Variants in TSC22D3 observed in about 807,000 individuals in gnomAD.
TSC22D3 encodes the protein TSC22 domain family member 3.
TSC22D3 carries 4 observed loss-of-function variants against 11.1 expected under a neutral mutation model. That is an observed-to-expected ratio of 0.36 (90% CI 0.18 to 0.83). The LOEUF is 0.83. Ranked by LOEUF, TSC22D3 falls within the 40% of genes least tolerant of loss-of-function variation. The pLI is 0.48. For synonymous variants in TSC22D3, 77 were observed against 70.3 expected (o/e 1.10, Z -0.48); for missense variants, 118 against 159.4 (o/e 0.74, Z 1.40).
Position 107,746,737 on chromosome X carries a change from T to G in TSC22D3, c.320+28363A>C, listed in dbSNP as rs767814159. On this transcript the variant is annotated intron_variant, in intron 1 of 2. Transcript: ENST00000372383. ...TTCCACCCACTCAAGTCCTGACATA[T>G]GTACGGAGTTACACATACACACATT... Among the ~76,000 whole-genome samples, 349 of 112,506 alleles carry G rather than the reference T, an allele frequency of 3.1e-3. 1 individual carries two copies. Among genetic ancestry groups the G allele is most frequent in the African/African-American group, 0.011 (330 of 30,961 alleles).
intron 1 of TSC22D3, among the ~76,000 whole-genome samples, chrX:107,753,287 G>A (rs752567440): frequency 1.8e-5 from 2 of 111,552 alleles, no homozygotes. Flanking sequence ...AGGTAGCATA[G>A]ATTCCCCATG....
chrX:107,756,510 A>G (rs1929183473), intron 1 of TSC22D3, among the ~76,000 whole-genome samples: 1 of 112,753 alleles, frequency 8.9e-6, no homozygotes, highest in African/African-American at 3.2e-5. Flanking sequence ...GTGCACACAG[A>G]TGGTCCCCAC....
chrX:107,761,994 A>G (rs1929456750), intron 1 of TSC22D3, among the ~76,000 whole-genome samples: 1 of 111,559 alleles, frequency 9.0e-6, no homozygotes, highest in Middle Eastern at 4.6e-3. Context: ...CTTTTCCTTC[A>G]TTACCATCAA....
intron 1 of TSC22D3, among the ~76,000 whole-genome samples, chrX:107,743,697 G>A (rs1421546872): frequency 8.9e-6 from 1 of 112,205 alleles, no homozygotes; most frequent in African/African-American, 3.2e-5. Context: ...TCGATGTCAA[G>A]CCTGAGCTGG....
intron 1 of TSC22D3, among the ~76,000 whole-genome samples, chrX:107,767,642 A>G (rs776621829): frequency 4.1e-4 from 46 of 112,162 alleles, no homozygotes; most frequent in Non-Finnish European, 7.1e-4. Flanking sequence ...GGATTTCAGC[A>G]TGGTAGACAG....
intron 1 of TSC22D3, among the ~76,000 whole-genome samples, chrX:107,736,273 G>A (rs990923322): frequency 9.0e-6 from 1 of 111,657 alleles, no homozygotes; most frequent in African/African-American, 3.3e-5. Context: ...TACAGAGGAG[G>A]GAAGTGACCT....
intron 1 of TSC22D3, among the ~76,000 whole-genome samples, chrX:107,747,265 C>A (rs1436059548): frequency 8.9e-6 from 1 of 112,623 alleles, no homozygotes; most frequent in Admixed American, 9.4e-5. Flanking sequence ...ATCACACACG[C>A]CCTGGGACCA....
At chrX:107,739,390 G>A (rs1928291120) in intron 1 of TSC22D3, among the ~76,000 whole-genome samples, 1 of 112,564 alleles carries the variant, frequency 8.9e-6, no homozygotes, top group Admixed American at 9.3e-5. Flanking sequence ...ACACAGGCGC[G>A]TGCACACACA....
intron 1 of TSC22D3, among the ~76,000 whole-genome samples, chrX:107,769,116 G>A (rs761863393): frequency 8.9e-6 from 1 of 112,558 alleles, no homozygotes; most frequent in South Asian, 3.7e-4. Flanking sequence ...GTGTTGAAAA[G>A]TAGGTGCTGG....
chrX:107,772,973 G>A (rs888577177), intron 1 of TSC22D3, among the ~76,000 whole-genome samples: 2 of 112,855 alleles, frequency 1.8e-5, no homozygotes, highest in East Asian at 5.5e-4. Context: ...AGAGCTTGCT[G>A]GTTAGCTCCT....
intron 1 of TSC22D3, among the ~76,000 whole-genome samples, chrX:107,774,710 A>T (rs1930055583): frequency 8.9e-6 from 1 of 111,928 alleles, no homozygotes; most frequent in Non-Finnish European, 1.9e-5. Flanking sequence ...GATTTTGCAC[A>T]TTTGAGATGG....
At chrX:107,743,962 T>G (rs1011276595) in intron 1 of TSC22D3, among the ~76,000 whole-genome samples, 3 of 111,907 alleles carry the variant, frequency 2.7e-5, no homozygotes, top group African/African-American at 9.8e-5. Context: ...CTGAAATAAG[T>G]GCAAGAGAAG....
At chrX:107,740,560 G>A (rs763074708) in intron 1 of TSC22D3, among the ~76,000 whole-genome samples, 2 of 109,767 alleles carry the variant, frequency 1.8e-5, no homozygotes, top group East Asian at 2.9e-4. Context: ...CCAGCCTGGC[G>A]ACAGAGCAAG....
At chrX:107,771,400 T>C (rs1315252548) in intron 1 of TSC22D3, among the ~76,000 whole-genome samples, 2 of 111,520 alleles carry the variant, frequency 1.8e-5, no homozygotes, top group Non-Finnish European at 3.8e-5. Flanking sequence ...GCCTGACTAA[T>C]ATGGTGAAAC....
chrX:107,713,799 C>A lies in TSC22D3; in HGVS notation c.*720G>T, dbSNP rs1290046818. 8.9e-6 allele frequency: 1 copy of A among 112,652 alleles called. No individual in the cohort carries two copies. The highest frequency in any genetic ancestry group is 1.9e-5 in the Non-Finnish European group (1 of 53,217). The allele number at this position is 112,652 out of a possible 1,213,427, so 9.3% of individuals were successfully genotyped here. ...GTCAATACTCCCAAGGCTGGTTAGG[C>A]CCTTCAACATGTAGGTGGATGTGTA... On this transcript the variant is annotated 3_prime_UTR_variant, in exon 3 of 3. Coordinates refer to ENST00000372383, the MANE Select transcript of TSC22D3 (RefSeq NM_198057.3).
At chrX:107,758,976 G>T (rs758337024) in intron 1 of TSC22D3, among the ~76,000 whole-genome samples, 42 of 111,414 alleles carry the variant, frequency 3.8e-4, no homozygotes, top group African/African-American at 1.1e-3. Flanking sequence ...CGCCTCCGGG[G>T]TTCAAGTGAT....
intron 1 of TSC22D3, among the ~76,000 whole-genome samples, chrX:107,723,006 C>T (rs541972417): frequency 6.3e-4 from 69 of 109,492 alleles, no homozygotes; most frequent in African/African-American, 2.2e-3. Context: ...CTGGTTAGAC[C>T]TTAGTGAAAT....
chrX:107,748,684 G>A (rs1446095612), intron 1 of TSC22D3, among the ~76,000 whole-genome samples: 7 of 111,833 alleles, frequency 6.3e-5, no homozygotes, highest in Non-Finnish European at 1.1e-4. Context: ...AAAGGCCAGC[G>A]ATTAAATGAT....
Position 107,775,511 on chromosome X carries a change from C to A in TSC22D3, c.-92G>T. ...GCTGGCCTGAGGGGACTCCAGGGTG[C>A]CTGGAAAAGACAAGCTGTGAGGAAA... On this transcript the variant is annotated 5_prime_UTR_variant, in exon 1 of 3. Transcript: ENST00000372383. 4 of 715,617 alleles carry A rather than the reference C, an allele frequency of 5.6e-6. No homozygotes were observed. Among genetic ancestry groups the A allele is most frequent in the Non-Finnish European group, 8.0e-6 (4 of 501,982 alleles). 59.0% of individuals were successfully genotyped at this position (715,617 alleles called of 1,213,427 possible). A position where few individuals can be genotyped will look rare whatever the true frequency, so the allele number is the denominator to read the frequency against.
Sources: allele counts gnomAD v4.1 joint callset (sites outside exome capture counted in the v4.1 genomes callset), GRCh38; gene constraint gnomAD v4.1.1; transcripts MANE v1.5; gene names NCBI Gene and HGNC (gene_info 2026-07-23, HGNC 2026-07-21).